PCGF3: variants seen among roughly 807,000 people sequenced by gnomAD.
PCGF3 encodes the protein polycomb group ring finger 3, also known as polycomb group RING finger protein 3.
In PCGF3, 7 loss-of-function variants were observed where a neutral mutation model predicts 33.1. The ratio of observed to expected loss-of-function variants is 0.21; its 90% CI spans 0.12 to 0.40. The LOEUF is 0.40. PCGF3 is among the 10% of genes least tolerant of loss of function. The probability of loss-of-function intolerance (pLI) is 1.00; values close to 1 mark genes in which losing one functional copy is unlikely to be tolerated. For synonymous variants in PCGF3, 153 were observed against 121.3 expected (o/e 1.26, Z -1.72); for missense variants, 211 against 313.3 (o/e 0.67, Z 2.46).
At chr4:768,700 TTA>T (rs1412683226) in exon 11 of PCGF3, 6 of 152,598 alleles carry the variant, frequency 3.9e-5, no homozygotes, top group Non-Finnish European at 8.8e-5. Context: ...AAACTTAACT[TTA>T]TAAAATTATT....
intron 10 of PCGF3, 114 bp downstream of exon 10, chr4:765,178 A>C (rs1745292751): frequency 1.4e-6 from 1 of 713,190 alleles, no homozygotes; most frequent in Non-Finnish European, 2.5e-6. Flanking sequence ...TCATGCCTGT[A>C]ATCCCAGCAC....
At chr4:734,502 A>AT in intron 4 of PCGF3, 1 of 1,215,180 alleles carries the variant, frequency 8.2e-7, no homozygotes, top group Non-Finnish European at 1.0e-6. Flanking sequence ...CGTTAATCGT[A>AT]TTTTTAGATA....
intron 5 of PCGF3, among the ~76,000 whole-genome samples, chr4:736,721 C>T (rs1439883895): frequency 2.0e-5 from 3 of 150,430 alleles, no homozygotes; most frequent in Non-Finnish European, 4.4e-5. Context: ...GGGACGGTGT[C>T]CCCTGAGCGC....
chr4:751,617 TAAAA>T (rs951711336), intron 8 of PCGF3, among the ~76,000 whole-genome samples: 1 of 144,388 alleles, frequency 6.9e-6, no homozygotes, highest in Admixed American at 6.9e-5. Flanking sequence ...TACTAAGCAT[TAAAA>T]AAAAAAAAAC....
At chr4:741,841 C>T (rs1370727456) in intron 6 of PCGF3, among the ~76,000 whole-genome samples, 1 of 152,142 alleles carries the variant, frequency 6.6e-6, no homozygotes, top group Admixed American at 6.5e-5. Context: ...GAGTTGCTTT[C>T]CACTGTGTCC....
intron 4 of PCGF3, chr4:734,390 G>C: frequency 3.6e-6 from 5 of 1,391,684 alleles, no homozygotes; most frequent in Non-Finnish European, 4.7e-6. Context: ...GTTTAAACAG[G>C]ATCTTTAAAA....
intron 3 of PCGF3, among the ~76,000 whole-genome samples, chr4:732,757 G>T (rs528411512): frequency 6.6e-6 from 1 of 152,212 alleles, no homozygotes; most frequent in Admixed American, 6.5e-5. Flanking sequence ...AGGGAAACTC[G>T]TGCCTGCTGC....
chr4:742,137 C>T (rs1374470264), intron 6 of PCGF3, among the ~76,000 whole-genome samples: 4 of 151,696 alleles, frequency 2.6e-5, no homozygotes, highest in Non-Finnish European at 5.9e-5. Context: ...TCTGCCCAGG[C>T]TCTCGGGGTC....
intron 1 of PCGF3, among the ~76,000 whole-genome samples, chr4:714,458 C>T (rs1218633122): frequency 6.6e-6 from 1 of 152,274 alleles, no homozygotes; most frequent in Admixed American, 6.5e-5. Flanking sequence ...CACACCGCTA[C>T]AACCCCACTG....
chr4:755,827 A>G (rs538563127), intron 8 of PCGF3, among the ~76,000 whole-genome samples: 2 of 151,004 alleles, frequency 1.3e-5, no homozygotes, highest in Non-Finnish European at 2.9e-5. Flanking sequence ...CTGAATTGCA[A>G]TGATTTATTT....
intron 1 of PCGF3, among the ~76,000 whole-genome samples, chr4:712,938 G>A (rs559918805): frequency 3.5e-4 from 53 of 152,354 alleles, no homozygotes; most frequent in African/African-American, 1.3e-3. Flanking sequence ...TAATCAGTGG[G>A]TCCCGTTGGC....
At chr4:764,840 A>G (rs551525258) in intron 9 of PCGF3, 144 bp from the exon 10 acceptor site, 3 of 620,608 alleles carry the variant, frequency 4.8e-6, no homozygotes, top group Admixed American at 2.6e-5. Flanking sequence ...GGAGGAATAC[A>G]TGAACCAGCC....
chr4:754,210 G>C (rs114620959), intron 8 of PCGF3, among the ~76,000 whole-genome samples: 9 of 152,216 alleles, frequency 5.9e-5, no homozygotes, highest in African/African-American at 1.7e-4. Flanking sequence ...TTCTGGTGTG[G>C]GGTCCCTGCC....
At chr4:750,484 C>T (rs1379894647) in intron 8 of PCGF3, among the ~76,000 whole-genome samples, 3 of 152,218 alleles carry the variant, frequency 2.0e-5, no homozygotes, top group East Asian at 1.9e-4. Context: ...CAGTTGCCCA[C>T]GTCCTGCTCT....
rs796339367 is a variant in PCGF3 at position 716,590 on chromosome 4, A to G, written c.-190+10620A>G. Among the ~76,000 whole-genome samples, 190 of 112,216 alleles carry G rather than the reference A, an allele frequency of 1.7e-3. 2 individuals carry two copies. The East Asian group carries it at 0.019, about 11-fold the overall frequency. The allele number at this position is 112,216 out of a possible 152,430, so 73.6% of individuals were successfully genotyped here. On this transcript the variant is annotated intron_variant, in intron 1 of 10. Transcript: ENST00000362003. ...CTGGGCGTCGGTGCTGGGACCCTGT[A>G]GACACTGAGTGTGAGAACTGGGTGT...
intron 3 of PCGF3, 46 bp from the exon 4 acceptor site, chr4:733,626 G>T (rs142491935): frequency 4.6e-4 from 723 of 1,558,416 alleles, no homozygotes; most frequent in Non-Finnish European, 5.8e-4. Flanking sequence ...AGGATGAAAG[G>T]CATGGAAGAG....
chr4:722,899 C>G (rs1743166004), intron 1 of PCGF3, among the ~76,000 whole-genome samples: 1 of 125,478 alleles, frequency 8.0e-6, no homozygotes, highest in Admixed American at 7.9e-5. Context: ...GCCATCCACG[C>G]CGGGTCCACA....
chr4:731,374 CG>C (rs1743550331), intron 3 of PCGF3: 1 of 397,020 alleles, frequency 2.5e-6, no homozygotes, highest in Non-Finnish European at 4.4e-6. Flanking sequence ...CCCGGCGTGT[CG>C]CTGAGGAGCA....
chr4:734,565 A>T (rs2109616520), intron 4 of PCGF3: 1 of 1,166,476 alleles, frequency 8.6e-7, no homozygotes, highest in African/African-American at 1.6e-5. Context: ...ATCTAGTTGT[A>T]CGTAGAAGAT....
Sources: gnomAD v4.1 joint callset for allele counts (sites outside exome capture counted in the v4.1 genomes callset) on GRCh38, gnomAD v4.1.1 for gene constraint, MANE v1.5 for transcripts, NCBI Gene and HGNC (gene_info 2026-07-23, HGNC 2026-07-21) for gene names.